The following FRMPD4 variants were observed in gnomAD, a reference collection of about 807,000 sequenced individuals.
The protein encoded by FRMPD4 is FERM and PDZ domain containing 4.
FRMPD4 carries 22 observed loss-of-function variants against 94.1 expected under a neutral mutation model. The observed-to-expected ratio is 0.23, with a 90% CI of 0.17 to 0.33. The LOEUF is 0.33. FRMPD4 is among the 10% of genes least tolerant of loss of function. The probability of loss-of-function intolerance (pLI) is 1.00; values close to 1 mark genes in which losing one functional copy is unlikely to be tolerated. For missense variants in FRMPD4, 1,111 were observed against 1,339.9 expected (o/e 0.83, Z 2.67); for synonymous variants, 631 against 548.6 (o/e 1.15, Z -2.10).
At chrX:12,199,969 G>T (rs777691390) in intron 1 of FRMPD4, among the ~76,000 whole-genome samples, 1 of 110,980 alleles carries the variant, frequency 9.0e-6, no homozygotes, top group South Asian at 3.9e-4. Flanking sequence ...AAATGAGCAA[G>T]TTTATCGATC....
chrX:12,561,285 TC>T (rs1469990002), intron 2 of FRMPD4, among the ~76,000 whole-genome samples: 1 of 112,515 alleles, frequency 8.9e-6, no homozygotes, highest in African/African-American at 3.2e-5. Context: ...AAACATGTTT[TC>T]CCATTGAATC....
chrX:11,961,055 C>T (rs1471704948), intron 3 of FRMPD4, among the ~76,000 whole-genome samples: 1 of 111,392 alleles, frequency 9.0e-6, no homozygotes, highest in African/African-American at 3.3e-5. Context: ...TTTCTCTTGC[C>T]CTTGGAATTT....
chrX:12,578,406 A>G (rs950264799), intron 2 of FRMPD4, among the ~76,000 whole-genome samples: 5 of 111,523 alleles, frequency 4.5e-5, no homozygotes, highest in South Asian at 3.8e-4. Flanking sequence ...TCATTATCAG[A>G]TCTAAGTTGG....
At chrX:11,921,080 C>T (rs770869960) in intron 3 of FRMPD4, among the ~76,000 whole-genome samples, 8 of 112,087 alleles carry the variant, frequency 7.1e-5, no homozygotes, top group South Asian at 3.7e-4. Flanking sequence ...GATTGTCATC[C>T]GCATCCACTG....
intron 2 of FRMPD4, among the ~76,000 whole-genome samples, chrX:12,505,962 A>G (rs1279889799): frequency 8.9e-6 from 1 of 111,972 alleles, no homozygotes; most frequent in Non-Finnish European, 1.9e-5. Flanking sequence ...GAGCCAGTGA[A>G]CACTCGGATC....
At chrX:11,935,269 G>GTTTTTT (rs1234166611) in intron 3 of FRMPD4, among the ~76,000 whole-genome samples, 56 of 5,008 alleles carry the variant, frequency 0.011, 20 homozygotes, top group African/African-American at 0.015. Flanking sequence ...TTTTTAATGT[G>GTTTTTT]TTTTTTTTTT....
intron 3 of FRMPD4, among the ~76,000 whole-genome samples, chrX:12,088,541 C>T (rs1479053945): frequency 8.9e-6 from 1 of 111,810 alleles, no homozygotes; most frequent in Non-Finnish European, 1.9e-5. Flanking sequence ...TTGCAGTTTT[C>T]AAGTGCTCCA....
intron 3 of FRMPD4, among the ~76,000 whole-genome samples, chrX:12,133,174 G>T (rs1353327636): frequency 9.0e-6 from 1 of 110,914 alleles, no homozygotes; most frequent in Non-Finnish European, 1.9e-5. Flanking sequence ...GAGTACTTTA[G>T]CCAGTGGGAG....
intron 3 of FRMPD4, among the ~76,000 whole-genome samples, chrX:12,112,177 T>A (rs1337405849): frequency 1.8e-5 from 2 of 111,822 alleles, no homozygotes; most frequent in African/African-American, 6.5e-5. Flanking sequence ...CAAATGTCCA[T>A]CAAAGATAGA....
intron 3 of FRMPD4, among the ~76,000 whole-genome samples, chrX:11,885,326 A>G (rs2053839600): frequency 9.0e-6 from 1 of 111,091 alleles, no homozygotes; most frequent in Non-Finnish European, 1.9e-5. Context: ...TTCTACTTAT[A>G]TGAGGTATCT....
intron 1 of FRMPD4, among the ~76,000 whole-genome samples, chrX:12,420,130 C>G (rs2056863333): frequency 9.0e-6 from 1 of 111,603 alleles, no homozygotes; most frequent in African/African-American, 3.3e-5. Flanking sequence ...TCCTTCATCT[C>G]TATTCTCATG....
intron 1 of FRMPD4, among the ~76,000 whole-genome samples, chrX:12,268,550 G>A (rs1207714570): frequency 9.0e-6 from 1 of 111,637 alleles, no homozygotes; most frequent in Non-Finnish European, 1.9e-5. Context: ...CTAATGGTTG[G>A]GAAATTACTT....
chrX:12,058,793 AATGTCTGGAGAC>A (rs2054869029), intron 3 of FRMPD4, among the ~76,000 whole-genome samples: 1 of 110,939 alleles, frequency 9.0e-6, no homozygotes, highest in Non-Finnish European at 1.9e-5. Context: ...GATATTTGGC[AATGTCTGGAGAC>A]ATTTTTCCTT....
chrX:12,091,237 T>C (rs755635360), intron 3 of FRMPD4, among the ~76,000 whole-genome samples: 2 of 99,650 alleles, frequency 2.0e-5, no homozygotes, highest in Non-Finnish European at 4.2e-5. Flanking sequence ...GTATCAGTGA[T>C]AAGCAGCTGA....
At chrX:12,108,552 G>T (rs1419764829) in intron 3 of FRMPD4, among the ~76,000 whole-genome samples, 1 of 111,958 alleles carries the variant, frequency 8.9e-6, no homozygotes, top group Non-Finnish European at 1.9e-5. Context: ...TGTAATGACA[G>T]GATCAAATTC....
chrX:12,109,529 C>G lies in FRMPD4; in HGVS notation c.95+231511C>G, dbSNP rs183465770. 2.4e-4 allele frequency among the ~76,000 whole-genome samples: 27 copies of G among 111,515 alleles called. No individual in the cohort carries two copies. In the East Asian group the frequency reaches 4.2e-3, roughly 18 times the overall value. On this transcript the variant is annotated intron_variant, in intron 3 of 18. Coordinates refer to the FRMPD4 transcript ENST00000640291. ...ATTAAAAGAACTAGAGAAGCAAGAG[C>G]AAACACATTGAAAAGCTAGCAGAAG...
intron 1 of FRMPD4, among the ~76,000 whole-genome samples, chrX:12,383,214 CACTT>C (rs747789777): frequency 1.5e-4 from 17 of 112,434 alleles, no homozygotes; most frequent in African/African-American, 4.8e-4. Context: ...TAGTCAGACT[CACTT>C]AGAGCATAGC....
At chrX:12,694,846 G>GT (rs1232590504) in intron 9 of FRMPD4, among the ~76,000 whole-genome samples, 3 of 112,124 alleles carry the variant, frequency 2.7e-5, no homozygotes, top group Admixed American at 9.5e-5. Flanking sequence ...TTCAGTGTGT[G>GT]TTTTCTAATA....
chrX:11,968,976 C>T (rs1425599540), intron 3 of FRMPD4, among the ~76,000 whole-genome samples: 9 of 112,306 alleles, frequency 8.0e-5, no homozygotes, highest in Non-Finnish European at 1.5e-4. Context: ...TTTTACATAC[C>T]ATCTCCACTC....
Sources: gnomAD v4.1 joint callset for allele counts (sites outside exome capture counted in the v4.1 genomes callset) on GRCh38, gnomAD v4.1.1 for gene constraint, MANE v1.5 for transcripts, NCBI Gene and HGNC (gene_info 2026-07-23, HGNC 2026-07-21) for gene names.